Variants in COL5A3 observed in about 807,000 individuals in gnomAD.
COL5A3 encodes collagen alpha-3(V) chain.
In COL5A3, 172 loss-of-function variants were observed where a neutral mutation model predicts 250.0. The observed-to-expected ratio is 0.69, with a 90% CI of 0.61 to 0.78. The LOEUF (loss-of-function observed/expected upper bound fraction) is 0.78. Among genes scored for constraint, COL5A3 ranks in the 30% least tolerant of loss-of-function variants. The pLI is 0.00. For missense variants in COL5A3, 2,340 were observed against 2,334.4 expected, an observed-to-expected ratio of 1.00 and a Z score of -0.05; for synonymous variants, 937 against 900.4, an observed-to-expected ratio of 1.04 and a Z score of -0.73.
At chr19:9,989,269 G>A in intron 26 of COL5A3, 53 bp downstream of exon 26, 1 of 1,611,786 alleles carries the variant, frequency 6.2e-7, no homozygotes, top group East Asian at 2.2e-5. Flanking sequence ...CTGACTGCAG[G>A]CCCTGCCTCC....
At chr19:9,986,506 C>A in intron 29 of COL5A3, 47 bp downstream of exon 29, 1 of 1,574,558 alleles carries the variant, frequency 6.4e-7, no homozygotes, top group East Asian at 2.3e-5. Flanking sequence ...CCCTATCTTC[C>A]CCGAGCCCCC....
chr19:9,997,269 G>A lies in COL5A3; in HGVS notation c.1263+102C>T, dbSNP rs1001708891. ...AGGTCAGTGCCAGCCCCGGGATGGT[G>A]TTCCCGAGTGCCACACCCTCATATC... On this transcript the variant is annotated intron_variant, in intron 11 of 66. Transcript: ENST00000264828. 7 of 867,520 alleles carry A rather than the reference G, an allele frequency of 8.1e-6. No homozygotes were observed. The African/African-American group carries it at 1.2e-4, about 14-fold the overall frequency. 53.7% of individuals were successfully genotyped at this position (867,520 alleles called of 1,614,324 possible). A position where few individuals can be genotyped will look rare whatever the true frequency, so the allele number is the denominator to read the frequency against.
chr19:9,979,871 G>T lies in COL5A3; in HGVS notation c.2680C>A (p.Arg894=), dbSNP rs560807981. 6 of 1,575,274 alleles carry T rather than the reference G, an allele frequency of 3.8e-6. No homozygotes were observed. The African/African-American group carries it at 8.3e-5, about 22-fold the overall frequency. ...CCTCTCTGTCCAGGGTGCCCTGGTC[G>T]CCCATCTTTACCTTGGTGACCCTGG... ...GPPGHQGKDG[R]PGHPGQRGEL... The change falls in exon 37 of 67, where the codon CGA becomes AGA. Residue 894 remains arginine (R), a synonymous_variant. Coordinates refer to ENST00000264828, the MANE Select transcript of COL5A3 (RefSeq NM_015719.4).
chr19:9,974,012 C>T (rs2086887913), intron 47 of COL5A3, 40 bp from the exon 48 acceptor site: 1 of 1,525,356 alleles, frequency 6.6e-7, no homozygotes, highest in Admixed American at 2.1e-5. Context: ...ACCCCAGGCC[C>T]CTCTCCCCAA....
rs753711901 is a variant in COL5A3, at chr19:9,979,893, C to G, written c.2659-1G>C. On this transcript the variant is annotated splice_acceptor_variant, in intron 36 of 66. Transcript: ENST00000264828. LOFTEE classifies it high-confidence loss of function. ...GTCGCCCATCTTTACCTTGGTGACC[C>G]TGGGGGATGAGGTGGGAAAAAGTTG... 12 of 1,572,070 alleles carry G rather than the reference C, an allele frequency of 7.6e-6. No homozygotes were observed. Among genetic ancestry groups the G allele is most frequent in the Non-Finnish European group, 9.4e-6 (11 of 1,166,398 alleles).
In COL5A3 at chr19:9,973,104, T is replaced by C. The variant is rs1167272674; in HGVS notation, c.3667-78A>G. The C allele has an allele frequency of 4.5e-6, 6 of 1,347,346 alleles. No individual in the cohort carries two copies. In the Admixed American group the frequency reaches 6.9e-5, roughly 15 times the overall value. The allele number at this position is 1,347,346 out of a possible 1,614,324, so 83.5% of individuals were successfully genotyped here. On this transcript the variant is annotated intron_variant, in intron 50 of 66. Transcript: ENST00000264828. Reference sequence around the variant, plus strand: ...GGATTAGCATACTTGGATTCAGGCATTGGGGTGGTCTGGGACTTTTCTGGG... The same window carrying C: ...GGATTAGCATACTTGGATTCAGGCACTGGGGTGGTCTGGGACTTTTCTGGG...
intron 8 of COL5A3, among the ~76,000 whole-genome samples, chr19:10,000,492 G>T (rs2087344912): frequency 8.6e-6 from 1 of 116,028 alleles, no homozygotes; most frequent in South Asian, 2.6e-4. Context: ...TAAGAGATGG[G>T]TCTCACTGTT....
At chr19:9,990,240 A>G (rs1243042166) in intron 24 of COL5A3, among the ~76,000 whole-genome samples, 1 of 151,784 alleles carries the variant, frequency 6.6e-6, no homozygotes, top group Non-Finnish European at 1.5e-5. Context: ...CTGAAAATAC[A>G]AAAATTAGCT....
At chr19:10,001,142 A>G (rs1011304041) in intron 8 of COL5A3, among the ~76,000 whole-genome samples, 1 of 152,036 alleles carries the variant, frequency 6.6e-6, no homozygotes, top group Non-Finnish European at 1.5e-5. Flanking sequence ...TAATTTTTTT[A>G]AATTGTTCGG....
chr19:10,000,952 G>A (rs1182983029), intron 8 of COL5A3, among the ~76,000 whole-genome samples: 11 of 152,082 alleles, frequency 7.2e-5, no homozygotes, highest in African/African-American at 2.4e-4. Flanking sequence ...GTGGAGGGTG[G>A]GAGGAGGGAG....
rs1370061904 is a variant in COL5A3 at position 9,968,688 on chromosome 19, G to A, written c.4193C>T (p.Pro1398Leu). The stretch of plus-strand genomic sequence containing the variant: ...TGATGTCCTTACCTTTTCCCCCTTG[G>A]GGCCAGTGTCTCCCTTCAGCCCTGG... ...GLPGLKGDTG[P>L]KGEKGHIGLI... Residue 1398 changes from proline (P) to leucine (L), a missense_variant, in exon 58 of 67, where the codon CCC (proline) becomes CTC (leucine). Physicochemically the swap from Pro to Leu is moderately conservative, Grantham distance 98. Coordinates refer to ENST00000264828, the MANE Select transcript of COL5A3 (RefSeq NM_015719.4). The surrounding 1 kb of genome is among the most constrained non-coding windows in gnomAD (Gnocchi z 4.1). The A allele has an allele frequency of 6.2e-7, 1 of 1,606,894 alleles. No individual in the cohort carries two copies. The highest frequency in any genetic ancestry group is 1.3e-5 in the African/African-American group (1 of 74,692).
At chr19:9,998,195 G>A in intron 8 of COL5A3, 46 bp from the exon 9 acceptor site, 1 of 1,559,782 alleles carries the variant, frequency 6.4e-7, no homozygotes, top group South Asian at 1.2e-5. Flanking sequence ...ATGTGAACTT[G>A]GACATAAGCC....
chr19:9,968,758 T>A lies in COL5A3; in HGVS notation c.4153-30A>T. ...GAGAAGAGCAAGGGTCAGTTAGGGATTCTCAAATGTGAACTCGAGGTCTGT... is the reference window on the plus strand; with the variant it reads ...GAGAAGAGCAAGGGTCAGTTAGGGAATCTCAAATGTGAACTCGAGGTCTGT... On this transcript the variant is annotated intron_variant, in intron 57 of 66. Coordinates refer to ENST00000264828, the MANE Select transcript of COL5A3 (RefSeq NM_015719.4). This position sits in a 1 kb window ranked among gnomAD's most constrained non-coding sequence, Gnocchi z 4.1. The A allele has an allele frequency of 3.8e-6, 6 of 1,597,076 alleles. No individual in the cohort carries two copies. The highest frequency in any genetic ancestry group is 5.1e-6 in the Non-Finnish European group (6 of 1,170,832).
At chr19:9,971,114 G>T in intron 52 of COL5A3, 86 bp from the exon 53 acceptor site, 1 of 1,410,578 alleles carries the variant, frequency 7.1e-7, no homozygotes, top group Non-Finnish European at 9.5e-7. Context: ...GAACGTTTTT[G>T]GTTCCACTGT....
At chr19:9,972,653 T>C (rs2086869020) in intron 51 of COL5A3, among the ~76,000 whole-genome samples, 1 of 151,664 alleles carries the variant, frequency 6.6e-6, no homozygotes, top group Admixed American at 6.6e-5. Flanking sequence ...CTGGCCAACA[T>C]AGTGAACACC....
Position 9,970,256 on chromosome 19 carries a change from GTGGGGTGTGTGGA to G in COL5A3, c.3937-347_3937-335del, listed in dbSNP as rs1445043024. Among the ~76,000 whole-genome samples, 14 of 78,444 alleles carry G rather than the reference GTGGGGTGTGTGGA, an allele frequency of 1.8e-4. 2 individuals carry two copies. The South Asian group carries it at 2.1e-3, about 12-fold the overall frequency. 51.5% of individuals were successfully genotyped at this position (78,444 alleles called of 152,430 possible). A position where few individuals can be genotyped will look rare whatever the true frequency, so the allele number is the denominator to read the frequency against. ...GGGTGAGTGGGGTCTTTGGGGTGAG[GTGGGGTGTGTGGA>G]TGAGTGGGGTCTGTGGTTGACTGAG... On this transcript the variant is annotated intron_variant, in intron 54 of 66. Transcript: ENST00000264828.
chr19:9,967,137 C>G (rs1254507752), intron 62 of COL5A3, among the ~76,000 whole-genome samples: 1 of 152,068 alleles, frequency 6.6e-6, no homozygotes, highest in Non-Finnish European at 1.5e-5. Context: ...GGTCAGAGCC[C>G]CCATGGGTGT....
Position 9,978,905 on chromosome 19 carries a change from C to T in COL5A3, c.2950G>A (p.Gly984Ser), listed in dbSNP as rs866175122. ...AAGATACTCACCGGGTCCCCAGGGC[C>T]CCCTTTGGGGCCGGGAAAGCCCCTG... The part of the protein sequence containing the change: ...GLRGFPGPKG[G>S]PGDPGPTGLK... Residue 984 changes from glycine to serine, a missense_variant, in exon 40 of 67, where the codon GGC (glycine) becomes AGC (serine). Transcript: ENST00000264828. 6.7e-7 allele frequency: 1 copy of T among 1,484,036 alleles called. No individual in the cohort carries two copies. The highest frequency in any genetic ancestry group is 1.5e-5 in the South Asian group (1 of 68,382). The allele number at this position is 1,484,036 out of a possible 1,614,324, so 91.9% of individuals were successfully genotyped here. A position where few individuals can be genotyped will look rare whatever the true frequency, so the allele number is the denominator to read the frequency against.
intron 45 of COL5A3, among the ~76,000 whole-genome samples, chr19:9,974,871 G>GTTTGTTTGTT (rs1464208035): frequency 5.3e-5 from 8 of 151,950 alleles, no homozygotes; most frequent in Non-Finnish European, 1.2e-4. Context: ...GCTTTTGTTT[G>GTTTGTTTGTT]TTTGTTTGTT....
Sources: gnomAD v4.1 joint callset for allele counts (sites outside exome capture counted in the v4.1 genomes callset) on GRCh38, gnomAD v4.1.1 for gene constraint, Gnocchi (gnomAD v3.1) non-coding constraint, MANE v1.5 for transcripts, NCBI Gene and HGNC (gene_info 2026-07-23, HGNC 2026-07-21) for gene names.